Variants in AK8 observed in about 807,000 individuals in gnomAD.
AK8 encodes the protein adenylate kinase 8.
In AK8, 44 loss-of-function variants were observed where a neutral mutation model predicts 54.6. The observed-to-expected ratio is 0.81, with a 90% confidence interval of 0.63 to 1.04. AK8 has a LOEUF of 1.04. Ranked by LOEUF, AK8 falls within the 50% of genes least tolerant of loss-of-function variation. The pLI is 0.00. For missense variants in AK8, 555 were observed against 613.6 expected (o/e 0.90, Z 1.01); for synonymous variants, 239 against 245.6 (o/e 0.97, Z 0.25).
chr9:132,767,486 G>A (rs539074635), intron 11 of AK8, among the ~76,000 whole-genome samples: 1 of 152,272 alleles, frequency 6.6e-6, no homozygotes, highest in African/African-American at 2.4e-5. Flanking sequence ...GGAGAAAGTG[G>A]AATGCTAGTA....
At chr9:132,801,672 T>A (rs1840464364) in intron 10 of AK8, among the ~76,000 whole-genome samples, 1 of 152,174 alleles carries the variant, frequency 6.6e-6, no homozygotes, top group Admixed American at 6.5e-5. Context: ...TGAGCCCAGT[T>A]TTCTGGGAGG....
chr9:132,735,691 C>A (rs1303730980), intron 11 of AK8, among the ~76,000 whole-genome samples: 1 of 152,180 alleles, frequency 6.6e-6, no homozygotes, highest in Non-Finnish European at 1.5e-5. Flanking sequence ...TAAACATAGA[C>A]CCAGCAGTAC....
intron 11 of AK8, among the ~76,000 whole-genome samples, chr9:132,741,645 G>T (rs1237494933): frequency 6.7e-6 from 1 of 148,920 alleles, no homozygotes; most frequent in Non-Finnish European, 1.5e-5. Flanking sequence ...TTTCGTTTTT[G>T]TTTTTGTTTT....
At chr9:132,744,642 T>C (rs1303307549) in intron 11 of AK8, among the ~76,000 whole-genome samples, 1 of 152,136 alleles carries the variant, frequency 6.6e-6, no homozygotes, top group Non-Finnish European at 1.5e-5. Context: ...GTGGTATTAA[T>C]TAAGGGGGAA....
chr9:132,839,461 C>T (rs1301175208), intron 5 of AK8, among the ~76,000 whole-genome samples: 1 of 152,174 alleles, frequency 6.6e-6, no homozygotes, highest in Non-Finnish European at 1.5e-5. Context: ...GGCTCTGTTT[C>T]CTTCCTATGC....
chr9:132,806,187 G>C (rs904228019), intron 10 of AK8, among the ~76,000 whole-genome samples: 8 of 151,866 alleles, frequency 5.3e-5, no homozygotes, highest in African/African-American at 1.9e-4. Flanking sequence ...TGCACTGCGG[G>C]GCCCCTAAAG....
At chr9:132,813,878 C>A (rs948490468) in intron 10 of AK8, among the ~76,000 whole-genome samples, 5 of 152,162 alleles carry the variant, frequency 3.3e-5, no homozygotes, top group African/African-American at 1.2e-4. Context: ...TGCTGAGGAC[C>A]AATGCCGGTC....
At chr9:132,871,052 C>G (rs1843806095) in intron 2 of AK8, among the ~76,000 whole-genome samples, 3 of 152,254 alleles carry the variant, frequency 2.0e-5, no homozygotes, top group African/African-American at 7.2e-5. Context: ...TTGAGACCAG[C>G]CTGGCCAACA....
intron 11 of AK8, among the ~76,000 whole-genome samples, chr9:132,745,484 G>C (rs114261080): frequency 2.0e-5 from 3 of 152,148 alleles, no homozygotes; most frequent in Non-Finnish European, 2.9e-5. Flanking sequence ...TACAGTACCC[G>C]AGCTGGGCCC....
chr9:132,864,752 G>C (rs1161797139), intron 3 of AK8, among the ~76,000 whole-genome samples: 1 of 152,182 alleles, frequency 6.6e-6, no homozygotes, highest in African/African-American at 2.4e-5. Context: ...AGCCATGCTG[G>C]GACTTGCCGA....
intron 5 of AK8, among the ~76,000 whole-genome samples, chr9:132,841,183 T>C (rs1842527087): frequency 6.6e-6 from 1 of 152,230 alleles, no homozygotes; most frequent in African/African-American, 2.4e-5. Context: ...AGAAAAGCAC[T>C]GCAGCCCGAG....
At chr9:132,844,481 T>C (rs1842672142) in intron 5 of AK8, among the ~76,000 whole-genome samples, 2 of 152,238 alleles carry the variant, frequency 1.3e-5, no homozygotes, top group Middle Eastern at 3.4e-3. Flanking sequence ...TATAAATGAA[T>C]ATGCATATGT....
intron 4 of AK8, chr9:132,861,701 T>C (rs10491535): frequency 0.078 from 11,824 of 152,278 alleles, 552 homozygotes; most frequent in Admixed American, 0.12. Context: ...GAAGGTATCA[T>C]TACTACTTGC....
Position 132,826,031 on chromosome 9 carries a change from G to C in AK8, c.757+823C>G, listed in dbSNP as rs1222225744. Reference sequence around the variant, plus strand: ...ATTCTACCTTGCCCTTGCCTTTTTGGGCAGGGTGTTGAACAATGATAGGAG... The same window carrying C: ...ATTCTACCTTGCCCTTGCCTTTTTGCGCAGGGTGTTGAACAATGATAGGAG... On this transcript the variant is annotated intron_variant, in intron 8 of 12. Transcript: ENST00000298545. This position sits in a 1 kb window ranked among gnomAD's most constrained non-coding sequence, Gnocchi z 4.5. 6.6e-6 allele frequency among the ~76,000 whole-genome samples: 1 copy of C among 152,094 alleles called. No individual in the cohort carries two copies. Among genetic ancestry groups the C allele is most frequent in the Non-Finnish European group, 1.5e-5 (1 of 68,000 alleles).
intron 7 of AK8, 167 bp downstream of exon 7, chr9:132,827,846 T>C: frequency 1.6e-6 from 1 of 632,222 alleles, no homozygotes; most frequent in Non-Finnish European, 2.7e-6. Flanking sequence ...TACCAGAATG[T>C]ACCCTTGCCA....
At chr9:132,752,005 A>AT (rs892713890) in intron 11 of AK8, among the ~76,000 whole-genome samples, 5 of 150,946 alleles carry the variant, frequency 3.3e-5, no homozygotes, top group African/African-American at 7.3e-5. Flanking sequence ...CACCTGACTA[A>AT]TTTTTTTTGT....
At chr9:132,730,833 T>G (rs1836808341) in intron 11 of AK8, among the ~76,000 whole-genome samples, 1 of 152,198 alleles carries the variant, frequency 6.6e-6, no homozygotes, top group South Asian at 2.1e-4. Flanking sequence ...TTAAACATCA[T>G]TATGAATCTG....
chr9:132,868,056 G>T (rs1007933735), intron 2 of AK8, among the ~76,000 whole-genome samples: 1 of 152,196 alleles, frequency 6.6e-6, no homozygotes, highest in African/African-American at 2.4e-5. Context: ...CTTGTGGGAA[G>T]CCGGTAACCT....
At chr9:132,775,851 G>T (rs533897552) in intron 11 of AK8, among the ~76,000 whole-genome samples, 1 of 152,328 alleles carries the variant, frequency 6.6e-6, no homozygotes, top group South Asian at 2.1e-4. Flanking sequence ...CACTCTCTCT[G>T]CAGAAATTCA....
Sources: gnomAD v4.1 joint callset for allele counts (sites outside exome capture counted in the v4.1 genomes callset) on GRCh38, gnomAD v4.1.1 for gene constraint, Gnocchi (gnomAD v3.1) non-coding constraint, MANE v1.5 for transcripts, NCBI Gene and HGNC (gene_info 2026-07-23, HGNC 2026-07-21) for gene names.